The following MTUS1 variants were observed in gnomAD, a reference collection of about 807,000 sequenced individuals.
MTUS1 encodes microtubule associated scaffold protein 1, also known as microtubule-associated tumor suppressor 1.
In MTUS1, 109 loss-of-function variants were observed where a neutral mutation model predicts 120.8. The observed-to-expected ratio is 0.90, with a 90% CI of 0.77 to 1.06. The LOEUF is 1.06. Ranked by LOEUF, MTUS1 falls within the 50% of genes least tolerant of loss-of-function variation. The pLI is 0.00. For synonymous variants in MTUS1, 737 were observed against 550.5 expected (o/e 1.34, Z -4.74); for missense variants, 2,210 against 1,486.3 (o/e 1.49, Z -8.01).
chr8:17,693,681 A>G (rs116781709), intron 6 of MTUS1, among the ~76,000 whole-genome samples: 1 of 152,310 alleles, frequency 6.6e-6, no homozygotes, highest in African/African-American at 2.4e-5. Flanking sequence ...AGGCACTTCT[A>G]CTGGAGGACC....
intron 8 of MTUS1, among the ~76,000 whole-genome samples, chr8:17,672,980 C>T (rs2130619204): frequency 6.6e-6 from 1 of 152,316 alleles, no homozygotes; most frequent in East Asian, 1.9e-4. Context: ...CACAGTGTTC[C>T]ATTCTCATTG....
At chr8:17,760,259 C>A (rs1370306569) in intron 1 of MTUS1, among the ~76,000 whole-genome samples, 1 of 151,828 alleles carries the variant, frequency 6.6e-6, no homozygotes, top group Non-Finnish European at 1.5e-5. Context: ...AATTGGTGAG[C>A]AAAGAGACTA....
intron 8 of MTUS1, among the ~76,000 whole-genome samples, chr8:17,666,296 G>A (rs535640358): frequency 6.7e-6 from 1 of 148,780 alleles, no homozygotes; most frequent in African/African-American, 2.5e-5. Context: ...AAAAAAAAAA[G>A]GATGATTTTA....
At chr8:17,774,738 C>A (rs928943149) in intron 1 of MTUS1, among the ~76,000 whole-genome samples, 4 of 151,934 alleles carry the variant, frequency 2.6e-5, no homozygotes, top group Non-Finnish European at 4.4e-5. Flanking sequence ...CACTCTTATA[C>A]CCCCAAAAGC....
At chr8:17,694,166 A>C (rs1254143498) in intron 6 of MTUS1, among the ~76,000 whole-genome samples, 1 of 152,160 alleles carries the variant, frequency 6.6e-6, no homozygotes, top group Non-Finnish European at 1.5e-5. Flanking sequence ...GCCTTAAGTG[A>C]TTCTCTTCCC....
At chr8:17,652,193 G>C (rs543591168) in intron 12 of MTUS1, among the ~76,000 whole-genome samples, 44 of 152,290 alleles carry the variant, frequency 2.9e-4, no homozygotes, top group African/African-American at 1.0e-3. Context: ...AAAAGACAAA[G>C]GTTGGGGTAA....
intron 6 of MTUS1, chr8:17,697,241 T>A: frequency 6.2e-7 from 1 of 1,600,352 alleles, no homozygotes; most frequent in Non-Finnish European, 8.5e-7. Flanking sequence ...TAAACAGAGA[T>A]CTATGCGAGA....
In MTUS1 at chr8:17,714,709, A is replaced by C. The variant is rs528117766; in HGVS notation, c.2584+1058T>G. 9.5e-4 allele frequency among the ~76,000 whole-genome samples: 145 copies of C among 152,228 alleles called. 2 individuals carry two copies. The highest frequency in any genetic ancestry group is 3.4e-3 in the Middle Eastern group (1 of 294). Reference sequence around the variant, plus strand: ...AAAACAAAACAACATATACATACAGAGGAAAAAAGTCACAAGGAAATGTGA... The same window carrying C: ...AAAACAAAACAACATATACATACAGCGGAAAAAAGTCACAAGGAAATGTGA... On this transcript the variant is annotated intron_variant, in intron 5 of 14. Coordinates refer to ENST00000693296, the MANE Select transcript of MTUS1 (RefSeq NM_001363059.2).
At chr8:17,761,111 A>G (rs1013086040) in intron 1 of MTUS1, among the ~76,000 whole-genome samples, 17 of 152,300 alleles carry the variant, frequency 1.1e-4, no homozygotes, top group African/African-American at 3.8e-4. Flanking sequence ...TTAAACGGTT[A>G]CCAAAATATA....
At chr8:17,747,386 C>A (rs767234022) in intron 2 of MTUS1, among the ~76,000 whole-genome samples, 1 of 152,138 alleles carries the variant, frequency 6.6e-6, no homozygotes, top group Non-Finnish European at 1.5e-5. Flanking sequence ...ACATCTTGTT[C>A]CCCCTCCTGC....
At chr8:17,759,404 C>A (rs1394315972) in intron 1 of MTUS1, among the ~76,000 whole-genome samples, 1 of 151,528 alleles carries the variant, frequency 6.6e-6, no homozygotes, top group Non-Finnish European at 1.5e-5. Flanking sequence ...GCTGTGACTA[C>A]AGGTATGTGC....
chr8:17,744,574 C>G (rs1211581228), intron 2 of MTUS1, among the ~76,000 whole-genome samples: 2 of 151,878 alleles, frequency 1.3e-5, no homozygotes, highest in Non-Finnish European at 2.9e-5. Context: ...GTGCACACCA[C>G]CATCAATCTT....
At position 17,684,483 on chromosome 8, in the gene MTUS1, C is replaced by T. The variant is rs773931133; in HGVS notation, c.2683G>A (p.Asp895Asn). 15 of 1,614,038 alleles carry T rather than the reference C, an allele frequency of 9.3e-6. No individual in the cohort carries two copies. The highest frequency in any genetic ancestry group is 2.7e-5 in the African/African-American group (2 of 74,926). The change falls in exon 7 of 15, where the codon GAT becomes AAT. Residue 895 changes from aspartate (D) to asparagine (N), a missense_variant. Coordinates refer to ENST00000693296, the MANE Select transcript of MTUS1 (RefSeq NM_001363059.2). ...SLCIQPQTAP[D>N]ALPPEKTLEL... Reference sequence around the variant, plus strand: ...AGTGTTTTCTCAGGGGGCAGCGCATCGGGAGCTGTCTGTGGCTGGATACAT... The same window carrying T: ...AGTGTTTTCTCAGGGGGCAGCGCATTGGGAGCTGTCTGTGGCTGGATACAT...
At chr8:17,793,020 TGA>T (rs1441590384) in intron 1 of MTUS1, among the ~76,000 whole-genome samples, 2 of 152,182 alleles carry the variant, frequency 1.3e-5, no homozygotes, top group Non-Finnish European at 2.9e-5. Flanking sequence ...TTAGATGTAA[TGA>T]GAAAAAAGAA....
At chr8:17,736,352 C>A (rs1041846404) in intron 3 of MTUS1, among the ~76,000 whole-genome samples, 13 of 152,170 alleles carry the variant, frequency 8.5e-5, no homozygotes, top group Non-Finnish European at 1.9e-4. Context: ...CAGCCCCCAC[C>A]ACACACAGTG....
Position 17,754,742 on chromosome 8 carries a change from C to G in MTUS1, c.1066G>C (p.Ala356Pro), listed in dbSNP as rs745831998. ...ACTTGAGCTTCGCTCTTATCAAAAG[C>G]TGGCACCATTAAAGGGCATTCATCA... ...IDDECPLMVP[A>P]FDKSEAQVLN... The change falls in exon 2 of 15, where the codon GCT (alanine) becomes CCT (proline). Residue 356 changes from alanine to proline, a missense_variant. Transcript: ENST00000693296. 3.7e-6 allele frequency: 6 copies of G among 1,614,234 alleles called. No homozygotes were observed. The highest frequency in any genetic ancestry group is 5.1e-6 in the Non-Finnish European group (6 of 1,180,048).
intron 3 of MTUS1, chr8:17,724,091 A>G: frequency 1.8e-6 from 1 of 562,210 alleles, no homozygotes; most frequent in Non-Finnish European, 3.3e-6. Flanking sequence ...CTCCTAAAGT[A>G]ATTAACTCAC....
chr8:17,789,176 G>C (rs1044643411), intron 1 of MTUS1, among the ~76,000 whole-genome samples: 2 of 152,028 alleles, frequency 1.3e-5, no homozygotes, highest in East Asian at 1.9e-4. Flanking sequence ...AGGATTACAG[G>C]AATGAGCCAC....
chr8:17,667,719 A>G (rs1811195181), intron 8 of MTUS1, among the ~76,000 whole-genome samples: 1 of 152,238 alleles, frequency 6.6e-6, no homozygotes, highest in African/African-American at 2.4e-5. Flanking sequence ...CCCTGTGGTG[A>G]CTACCAGAAG....
Sources: allele counts gnomAD v4.1 joint callset (sites outside exome capture counted in the v4.1 genomes callset), GRCh38; gene constraint gnomAD v4.1.1; transcripts MANE v1.5; gene names NCBI Gene and HGNC (gene_info 2026-07-23, HGNC 2026-07-21).